The following PALS1 variants were observed in gnomAD, a reference collection of about 807,000 sequenced individuals.
The protein encoded by PALS1 is protein PALS1.
PALS1 carries 31 observed loss-of-function variants against 78.9 expected under a neutral mutation model. The ratio of observed to expected loss-of-function variants is 0.39; its 90% confidence interval spans 0.30 to 0.53. The LOEUF (loss-of-function observed/expected upper bound fraction) is 0.53, where lower values mean the gene tolerates loss of function less well. Ranked by LOEUF, PALS1 falls within the 20% of genes least tolerant of loss-of-function variation. The probability of loss-of-function intolerance (pLI) is 0.67; values close to 1 mark genes in which losing one functional copy is unlikely to be tolerated. For synonymous variants in PALS1, 276 were observed against 270.9 expected (o/e 1.02, Z -0.18); for missense variants, 704 against 826.5 (o/e 0.85, Z 1.82).
rs547295605 is a variant in PALS1, at chr14:67,292,907, A to T, written c.576+188A>T. On this transcript the variant is annotated intron_variant, in intron 4 of 14. Coordinates refer to ENST00000261681, the MANE Select transcript of PALS1 (RefSeq NM_022474.4). ...CCTAAAAACAAAAAAAGTTTACTTCAGAGTCAGAACACTGTTTCATGAAGA... is the reference window on the plus strand; with the variant it reads ...CCTAAAAACAAAAAAAGTTTACTTCTGAGTCAGAACACTGTTTCATGAAGA... Among the ~76,000 whole-genome samples the T allele has an allele frequency of 3.3e-5, 5 of 152,332 alleles. No homozygotes were observed. In the East Asian group the frequency reaches 9.6e-4, roughly 29 times the overall value.
At chr14:67,313,362 G>A (rs1197780980) in intron 9 of PALS1, among the ~76,000 whole-genome samples, 3 of 152,298 alleles carry the variant, frequency 2.0e-5, no homozygotes, top group African/African-American at 7.2e-5. Flanking sequence ...ATCACTGAGT[G>A]TATTTACACA....
intron 14 of PALS1, 126 bp from the exon 15 acceptor site, chr14:67,332,654 C>T: frequency 3.2e-6 from 3 of 936,062 alleles, no homozygotes; most frequent in Non-Finnish European, 4.7e-6. Context: ...AAAGGAGCTC[C>T]TGAGGTTGGG....
intron 8 of PALS1, among the ~76,000 whole-genome samples, chr14:67,306,440 GT>G (rs1387588691): frequency 6.6e-6 from 1 of 151,998 alleles, no homozygotes; most frequent in Non-Finnish European, 1.5e-5. Context: ...TGCCTCCTGT[GT>G]TCAAGCATTC....
intron 8 of PALS1, among the ~76,000 whole-genome samples, chr14:67,307,773 A>T (rs1347815933): frequency 6.6e-6 from 1 of 152,216 alleles, no homozygotes; most frequent in African/African-American, 2.4e-5. Context: ...ATAGTAAGAG[A>T]TACAGAAATA....
intron 3 of PALS1, among the ~76,000 whole-genome samples, chr14:67,288,220 T>C (rs1025746634): frequency 1.3e-5 from 2 of 152,034 alleles, no homozygotes; most frequent in African/African-American, 4.8e-5. Flanking sequence ...GCTGGCACTT[T>C]AGACATGTGC....
At chr14:67,288,263 G>T (rs1445953499) in intron 3 of PALS1, among the ~76,000 whole-genome samples, 3 of 152,084 alleles carry the variant, frequency 2.0e-5, no homozygotes, top group Non-Finnish European at 4.4e-5. Context: ...TGTATTTTCA[G>T]TAGAGACGGG....
At chr14:67,324,371 A>G (rs1396776094) in intron 14 of PALS1, among the ~76,000 whole-genome samples, 1 of 152,218 alleles carries the variant, frequency 6.6e-6, no homozygotes, top group Non-Finnish European at 1.5e-5. Context: ...TTAAATATGT[A>G]AGATGGTAAC....
chr14:67,244,112 T>G (rs1327991182), intron 1 of PALS1, among the ~76,000 whole-genome samples: 1 of 152,224 alleles, frequency 6.6e-6, no homozygotes, highest in African/African-American at 2.4e-5. Flanking sequence ...ATGGATTTTT[T>G]CCGTTTTCTT....
At chr14:67,298,047 T>C (rs1439391161) in intron 4 of PALS1, among the ~76,000 whole-genome samples, 1 of 151,930 alleles carries the variant, frequency 6.6e-6, no homozygotes, top group Non-Finnish European at 1.5e-5. Context: ...TAATGCTGAA[T>C]CAAAAAGGTT....
intron 1 of PALS1, among the ~76,000 whole-genome samples, chr14:67,260,343 CCTCT>C (rs2084216534): frequency 6.6e-6 from 1 of 152,178 alleles, no homozygotes; most frequent in Non-Finnish European, 1.5e-5. Flanking sequence ...GCACAACCCT[CCTCT>C]CTCTCATTAA....
chr14:67,291,352 C>T (rs143593944), intron 3 of PALS1, among the ~76,000 whole-genome samples: 1,672 of 151,958 alleles, frequency 0.011, 19 homozygotes, highest in Middle Eastern at 0.017. Context: ...TCTCGCCTCC[C>T]GAGTAGCTGG....
intron 3 of PALS1, among the ~76,000 whole-genome samples, chr14:67,280,853 T>TTCCCTCCTTCCCTCCCTCCC (rs1555520240): frequency 3.9e-5 from 3 of 77,610 alleles, no homozygotes; most frequent in East Asian, 1.3e-3. Flanking sequence ...CCTTCCTTCC[T>TTCCCTCCTTCCCTCCCTCCC]TCCCTCCCTC....
chr14:67,309,417 C>G (rs2085055300), intron 8 of PALS1, among the ~76,000 whole-genome samples: 1 of 152,040 alleles, frequency 6.6e-6, no homozygotes, highest in Non-Finnish European at 1.5e-5. Flanking sequence ...TTAATAAGAG[C>G]CTTTTCCTCT....
At position 67,272,859 on chromosome 14, in the gene PALS1, G is replaced by A. The variant is rs114120499; in HGVS notation, c.-154+3076G>A. Among the ~76,000 whole-genome samples the A allele has an allele frequency of 5.4e-3, 821 of 152,152 alleles. 6 individuals are homozygous for A. Among genetic ancestry groups the A allele is most frequent in the African/African-American group, 0.019 (784 of 41,492 alleles). On this transcript the variant is annotated intron_variant, in intron 2 of 14. Transcript: ENST00000261681. ...TTTTTTGCATGTTTTTGTAGAGATG[G>A]GGTATCACCATATTGCCCAGGCTGG...
At chr14:67,249,328 A>T (rs968986028) in intron 1 of PALS1, among the ~76,000 whole-genome samples, 7 of 152,338 alleles carry the variant, frequency 4.6e-5, no homozygotes, top group African/African-American at 1.7e-4. Context: ...ATGTAGTAAA[A>T]GGAAGCTTGG....
At chr14:67,313,917 T>C (rs1214435215) in intron 9 of PALS1, among the ~76,000 whole-genome samples, 1 of 151,550 alleles carries the variant, frequency 6.6e-6, no homozygotes. Flanking sequence ...CCAGATAATA[T>C]ATGTTAAATT....
At chr14:67,314,446 A>G (rs1349642864) in intron 9 of PALS1, among the ~76,000 whole-genome samples, 3 of 152,192 alleles carry the variant, frequency 2.0e-5, no homozygotes, top group Admixed American at 6.5e-5. Context: ...TTTTGTCTAT[A>G]TCAGTCATAT....
chr14:67,241,816 C>G (rs896820565), intron 1 of PALS1: 1 of 151,494 alleles, frequency 6.6e-6, no homozygotes, highest in African/African-American at 2.4e-5. Context: ...CCACAGCCAG[C>G]CGAGCCCGAG....
At chr14:67,261,455 CGA>C (rs1567506467) in intron 1 of PALS1, among the ~76,000 whole-genome samples, 2 of 152,038 alleles carry the variant, frequency 1.3e-5, no homozygotes, top group African/African-American at 4.8e-5. Flanking sequence ...ATTACAGTTA[CGA>C]TTTTGAAAAT....
Sources: gnomAD v4.1 joint callset for allele counts (sites outside exome capture counted in the v4.1 genomes callset) on GRCh38, gnomAD v4.1.1 for gene constraint, MANE v1.5 for transcripts, NCBI Gene and HGNC (gene_info 2026-07-23, HGNC 2026-07-21) for gene names.